CCDC192: variants seen among roughly 807,000 people sequenced by gnomAD.
CCDC192 encodes the protein coiled-coil domain containing 192.
intron 5 of CCDC192, among the ~76,000 whole-genome samples, chr5:127,865,272 A>T (rs1173431311): frequency 6.6e-6 from 1 of 152,206 alleles, no homozygotes; most frequent in African/African-American, 2.4e-5. Context: ...AAAACAAAAA[A>T]AGTAACTAAA....
At chr5:127,761,675 C>G (rs1428842469) in intron 3 of CCDC192, among the ~76,000 whole-genome samples, 2 of 152,132 alleles carry the variant, frequency 1.3e-5, no homozygotes, top group African/African-American at 4.8e-5. Flanking sequence ...TTCAAGATGG[C>G]ATTTTCAAAG....
intron 1 of CCDC192, among the ~76,000 whole-genome samples, chr5:127,705,736 T>C (rs1419771928): frequency 6.6e-6 from 1 of 152,062 alleles, no homozygotes; most frequent in Non-Finnish European, 1.5e-5. Flanking sequence ...ATGAGTGTTC[T>C]GGCCAGAGGA....
intron 6 of CCDC192, among the ~76,000 whole-genome samples, chr5:127,917,008 T>C (rs1753539917): frequency 6.6e-6 from 1 of 152,248 alleles, no homozygotes; most frequent in Non-Finnish European, 1.5e-5. Flanking sequence ...ACCTGTTCTT[T>C]AGTGTAGCCT....
intron 6 of CCDC192, among the ~76,000 whole-genome samples, chr5:127,879,975 T>C (rs1451147475): frequency 6.6e-6 from 1 of 151,926 alleles, no homozygotes; most frequent in East Asian, 1.9e-4. Context: ...TAGGAACACA[T>C]TTACACTGTT....
chr5:127,934,580 A>G (rs1016884325), intron 6 of CCDC192, among the ~76,000 whole-genome samples: 6 of 152,206 alleles, frequency 3.9e-5, no homozygotes, highest in Non-Finnish European at 8.8e-5. Flanking sequence ...AAACATTAAA[A>G]GGGGAGGACA....
chr5:127,807,970 G>A (rs1757886141), intron 5 of CCDC192, among the ~76,000 whole-genome samples: 1 of 152,058 alleles, frequency 6.6e-6, no homozygotes, highest in Admixed American at 6.6e-5. Flanking sequence ...ACTGTGGGAG[G>A]ATTTTATAAG....
At chr5:127,748,617 T>G (rs1295731391) in intron 2 of CCDC192, among the ~76,000 whole-genome samples, 1 of 146,614 alleles carries the variant, frequency 6.8e-6, no homozygotes, top group Admixed American at 7.0e-5. Flanking sequence ...ATATGAACTT[T>G]AAAGTAGTTT....
chr5:127,838,829 TG>T (rs1333384358), intron 5 of CCDC192: 1 of 152,272 alleles, frequency 6.6e-6, no homozygotes, highest in Non-Finnish European at 1.5e-5. Flanking sequence ...CAGCATCCTG[TG>T]TGTAGTCTGT....
At chr5:127,781,576 C>CTTTTTTTTTTTTTTTTT (rs1223496970) in intron 3 of CCDC192, among the ~76,000 whole-genome samples, 2 of 124,168 alleles carry the variant, frequency 1.6e-5, no homozygotes, top group Admixed American at 8.0e-5. Context: ...CTAAGTATTC[C>CTTTTTTTTTTTTTTTTT]TTTTTTTTTT....
intron 5 of CCDC192, among the ~76,000 whole-genome samples, chr5:127,839,797 T>G (rs990004552): frequency 2.0e-5 from 3 of 152,002 alleles, no homozygotes; most frequent in Non-Finnish European, 4.4e-5. Flanking sequence ...TTGTAAGATA[T>G]ATATATATAT....
chr5:127,807,467 C>T (rs1429958842), intron 5 of CCDC192, among the ~76,000 whole-genome samples: 1 of 151,936 alleles, frequency 6.6e-6, no homozygotes, highest in Non-Finnish European at 1.5e-5. Context: ...CTTTCTTTAT[C>T]CACCATTAGA....
chr5:127,799,344 T>C (rs1463387018), intron 5 of CCDC192, among the ~76,000 whole-genome samples: 1 of 152,214 alleles, frequency 6.6e-6, no homozygotes, highest in East Asian at 1.9e-4. Context: ...ATTCAGAATC[T>C]TTTTTGGGCT....
chr5:127,703,142 T>C (rs1300154109), upstream of CCDC192, among the ~76,000 whole-genome samples: 1 of 152,216 alleles, frequency 6.6e-6, no homozygotes, highest in Non-Finnish European at 1.5e-5. Context: ...TAAACATGCC[T>C]TGGTTTGAGC....
intron 3 of CCDC192, among the ~76,000 whole-genome samples, chr5:127,780,194 TC>T (rs1214311342): frequency 6.6e-6 from 1 of 152,148 alleles, no homozygotes; most frequent in East Asian, 1.9e-4. Context: ...TATCACAGTT[TC>T]TTTATCCACT....
chr5:127,754,985 C>G (rs1754494020), intron 3 of CCDC192, among the ~76,000 whole-genome samples: 1 of 152,166 alleles, frequency 6.6e-6, no homozygotes, highest in East Asian at 1.9e-4. Context: ...AAGTAAAGCT[C>G]AGACCAGGGC....
intron 2 of CCDC192, among the ~76,000 whole-genome samples, chr5:127,734,701 G>GT (rs1475514944): frequency 6.8e-6 from 1 of 146,830 alleles, no homozygotes; most frequent in Non-Finnish European, 1.5e-5. Flanking sequence ...TTTTTCATGT[G>GT]TTTTTTGGCT....
At chr5:127,896,723 G>A (rs1752899205) in intron 6 of CCDC192, among the ~76,000 whole-genome samples, 1 of 152,184 alleles carries the variant, frequency 6.6e-6, no homozygotes, top group Non-Finnish European at 1.5e-5. Context: ...TGGGATTACA[G>A]GCGTGAGCCA....
chr5:127,851,953 A>G (rs918928289), intron 5 of CCDC192, among the ~76,000 whole-genome samples: 8 of 152,230 alleles, frequency 5.3e-5, no homozygotes, highest in East Asian at 1.9e-4. Flanking sequence ...GTGTTCTGTG[A>G]TATATTGAGG....
chr5:127,705,820 G>A lies in CCDC192; in HGVS notation c.63-1889G>A, dbSNP rs546284649. ...AGTTGAGGGAAAACATCCGTTTTGTGAGTTTCACTGATAGAAGATGAAATT... is the reference window on the plus strand; with the variant it reads ...AGTTGAGGGAAAACATCCGTTTTGTAAGTTTCACTGATAGAAGATGAAATT... On this transcript the variant is annotated intron_variant, in intron 1 of 6. Coordinates refer to ENST00000514853, the MANE Select transcript of CCDC192 (RefSeq NM_001317938.2). 2.5e-3 allele frequency among the ~76,000 whole-genome samples: 387 copies of A among 152,292 alleles called. 1 individual carries two copies. The highest frequency in any genetic ancestry group is 8.6e-3 in the African/African-American group (358 of 41,562).
Sources: gnomAD v4.1 joint callset for allele counts (sites outside exome capture counted in the v4.1 genomes callset) on GRCh38, gnomAD v4.1.1 for gene constraint, MANE v1.5 for transcripts, NCBI Gene and HGNC (gene_info 2026-07-23, HGNC 2026-07-21) for gene names.